ACSM2A: variants seen among roughly 807,000 people sequenced by gnomAD.
The protein encoded by ACSM2A is acyl-CoA synthetase medium chain family member 2A.
ACSM2A carries 72 observed loss-of-function variants against 76.6 expected under a neutral mutation model. That is an observed-to-expected ratio of 0.94 (90% CI 0.78 to 1.14). The LOEUF is 1.14. Among genes scored for constraint, ACSM2A ranks in the 50% most tolerant of loss-of-function variants. ACSM2A has a pLI of 0.00. For synonymous variants in ACSM2A, 249 were observed against 255.9 expected (o/e 0.97, Z 0.26); for missense variants, 684 against 708.5 (o/e 0.97, Z 0.39).
In ACSM2A at chr16:20,480,620, C is replaced by T. The variant is rs1354297614; in HGVS notation, c.1329C>T (p.Leu443=). The T allele has an allele frequency of 1.9e-6, 3 of 1,613,606 alleles. No homozygotes were observed. Among genetic ancestry groups the T allele is most frequent in the Non-Finnish European group, 2.5e-6 (3 of 1,179,776 alleles). ...CCAACATTCGAGGAGACTTTTGGCT[C>T]CTTGGAGACCGGGGAATCAAAGATG... ...TAANIRGDFW[L]LGDRGIKDED... Residue 443 remains leucine (L), a synonymous_variant, in exon 11 of 14, where the codon CTC becomes CTT. Transcript: ENST00000573854.
At chr16:20,462,583 C>T (rs1344771602) in intron 2 of ACSM2A, among the ~76,000 whole-genome samples, 1 of 152,090 alleles carries the variant, frequency 6.6e-6, no homozygotes, top group Non-Finnish European at 1.5e-5. Flanking sequence ...AAATTGCTGA[C>T]ATGTTTTGTT....
At chr16:20,472,465 A>G (rs1048865553) in intron 6 of ACSM2A, among the ~76,000 whole-genome samples, 1 of 152,002 alleles carries the variant, frequency 6.6e-6, no homozygotes, top group African/African-American at 2.4e-5. Context: ...TTGCATAATT[A>G]CCCCTAAAAG....
rs1423064477 is a variant in ACSM2A, at chr16:20,475,722, G to C, written c.1047G>C (p.Trp349Cys). ...ESLLPETLEN[W>C]RAQTGLDIRE... ...TTCTTCCAGAAACTCTGGAGAACTG[G>C]AGGGCCCAGACAGGACTGGACATCC... The change falls in exon 8 of 14, where the codon TGG (tryptophan) becomes TGC (cysteine). Residue 349 changes from tryptophan (W) to cysteine (C), a missense_variant. Trp to Cys is a radical substitution (Grantham distance 215). Transcript: ENST00000573854. 2.5e-6 allele frequency: 4 copies of C among 1,613,912 alleles called. No homozygotes were observed. The highest frequency in any genetic ancestry group is 2.7e-5 in the African/African-American group (2 of 74,904).
intron 13 of ACSM2A, 129 bp downstream of exon 13, chr16:20,483,306 A>T: frequency 7.0e-7 from 1 of 1,420,368 alleles, no homozygotes; most frequent in East Asian, 2.7e-5. Flanking sequence ...GCGGCAGCTC[A>T]CGCCTGTAAT....
chr16:20,464,846 C>T (rs1482808806), intron 2 of ACSM2A, among the ~76,000 whole-genome samples: 3 of 151,884 alleles, frequency 2.0e-5, no homozygotes, highest in South Asian at 2.1e-4. Context: ...ATGAAAAACT[C>T]GGGAGATGGA....
At chr16:20,452,979 G>A (rs1488308922) in intron 1 of ACSM2A, among the ~76,000 whole-genome samples, 1 of 152,130 alleles carries the variant, frequency 6.6e-6, no homozygotes, top group Non-Finnish European at 1.5e-5. Flanking sequence ...CCTAAGTTCA[G>A]TGGATAAAGT....
chr16:20,465,407 T>C, intron 2 of ACSM2A, 110 bp from the exon 3 acceptor site: 1 of 1,404,098 alleles, frequency 7.1e-7, no homozygotes, highest in Non-Finnish European at 9.6e-7. Flanking sequence ...ATGGAGGTGC[T>C]GAGATAAAAA....
At chr16:20,466,610 T>G (rs1505098) in intron 3 of ACSM2A, among the ~76,000 whole-genome samples, 2 of 152,346 alleles carry the variant, frequency 1.3e-5, no homozygotes, top group African/African-American at 4.8e-5. Flanking sequence ...TAAGGAATAG[T>G]AAATGCTGAT....
Position 20,471,824 on chromosome 16 carries a change from G to A in ACSM2A, c.894+135G>A, listed in dbSNP as rs1567367798. 17 of 1,456,272 alleles carry A rather than the reference G, an allele frequency of 1.2e-5. No individual in the cohort carries two copies. The South Asian group carries it at 1.2e-4, about 10-fold the overall frequency. 90.2% of individuals were successfully genotyped at this position (1,456,272 alleles called of 1,614,324 possible). A position where few individuals can be genotyped will look rare whatever the true frequency, so the allele number is the denominator to read the frequency against. ...ATGTGGTGAACAGTGTTCAGTAAAC[G>A]AGATGGAAATGGTCCCTGACCTCAC... is the stretch of plus-strand genomic sequence containing the variant. On this transcript the variant is annotated intron_variant, in intron 6 of 13. Coordinates refer to ENST00000573854, the MANE Select transcript of ACSM2A (RefSeq NM_001308172.2).
rs565682946 is a variant in ACSM2A, at chr16:20,471,951, C to T, written c.894+262C>T. Among the ~76,000 whole-genome samples the T allele has an allele frequency of 1.2e-3, 186 of 152,216 alleles. 1 individual carries two copies. Among genetic ancestry groups the T allele is most frequent in the African/African-American group, 4.0e-3 (167 of 41,524 alleles). The stretch of plus-strand genomic sequence containing the variant: ...TCATTTGTTCACTCAACAAATGTAA[C>T]GGGCTCTTCCGCTGGTGTCACCTAT... On this transcript the variant is annotated intron_variant, in intron 6 of 13. Coordinates refer to ENST00000573854, the MANE Select transcript of ACSM2A (RefSeq NM_001308172.2).
chr16:20,462,635 C>A (rs1948710112), intron 2 of ACSM2A, among the ~76,000 whole-genome samples: 1 of 151,990 alleles, frequency 6.6e-6, no homozygotes, highest in African/African-American at 2.4e-5. Flanking sequence ...ATCTGAGAAC[C>A]CCTGAGGATA....
chr16:20,476,374 A>T, intron 8 of ACSM2A: 2 of 984,904 alleles, frequency 2.0e-6, no homozygotes, highest in Non-Finnish European at 2.4e-6. Flanking sequence ...AGTGCCTCTT[A>T]CTTGTGACTC....
At position 20,475,708 on chromosome 16, in the gene ACSM2A, A is replaced by G. The variant is rs765828342; in HGVS notation, c.1033A>G (p.Thr345Ala). The stretch of plus-strand genomic sequence containing the variant: ...TGTAGGGGAGTCCCTTCTTCCAGAA[A>G]CTCTGGAGAACTGGAGGGCCCAGAC... ...VTVGESLLPE[T>A]LENWRAQTGL... The change falls in exon 8 of 14, where the codon ACT becomes GCT. Residue 345 changes from threonine (T) to alanine (A), a missense_variant. Coordinates refer to ENST00000573854, the MANE Select transcript of ACSM2A (RefSeq NM_001308172.2). 2 of 1,613,982 alleles carry G rather than the reference A, an allele frequency of 1.2e-6. No individual in the cohort carries two copies. Among genetic ancestry groups the G allele is most frequent in the South Asian group, 1.1e-5 (1 of 91,062 alleles).
intron 6 of ACSM2A, among the ~76,000 whole-genome samples, chr16:20,472,104 T>C (rs1336373013): frequency 6.6e-6 from 1 of 152,152 alleles, no homozygotes; most frequent in Non-Finnish European, 1.5e-5. Flanking sequence ...ATTTGCAGCA[T>C]AACACACAAA....
intron 8 of ACSM2A, chr16:20,476,272 G>A (rs2013734993): frequency 1.0e-6 from 1 of 987,782 alleles, no homozygotes; most frequent in African/African-American, 1.8e-5. Flanking sequence ...GAGGTCTCAT[G>A]TGCACAATGT....
chr16:20,486,156 T>A (rs1368865980), intron 13 of ACSM2A, among the ~76,000 whole-genome samples: 1 of 152,232 alleles, frequency 6.6e-6, no homozygotes, highest in Non-Finnish European at 1.5e-5. Context: ...GCCTTCATAA[T>A]CTCCTTTTGT....
chr16:20,458,837 AAAG>A (rs893069621), intron 1 of ACSM2A, among the ~76,000 whole-genome samples: 44 of 140,638 alleles, frequency 3.1e-4, no homozygotes, highest in Non-Finnish European at 5.5e-4. Flanking sequence ...TATATATAAA[AAAG>A]AATTTTTTAT....
intron 12 of ACSM2A, chr16:20,481,810 G>T (rs1439311569): frequency 7.5e-6 from 1 of 133,630 alleles, no homozygotes; most frequent in Non-Finnish European, 1.6e-5. Flanking sequence ...CCATATTTGC[G>T]TGTAACAAAA....
chr16:20,475,344 C>T lies in ACSM2A; in HGVS notation c.895-18C>T. ...TTTGACCTGGTGACCAATGTCTCACCTGGCTCTTGTCTTCCAGACACTCTC... is the reference window on the plus strand; with the variant it reads ...TTTGACCTGGTGACCAATGTCTCACTTGGCTCTTGTCTTCCAGACACTCTC... On this transcript the variant is annotated intron_variant, in intron 6 of 13. Coordinates refer to ENST00000573854, the MANE Select transcript of ACSM2A (RefSeq NM_001308172.2). 6.2e-7 allele frequency: 1 copy of T among 1,613,618 alleles called. No individual in the cohort carries two copies. The highest frequency in any genetic ancestry group is 1.7e-4 in the Middle Eastern group (1 of 6,050).
Sources: allele counts gnomAD v4.1 joint callset (sites outside exome capture counted in the v4.1 genomes callset), GRCh38; gene constraint gnomAD v4.1.1; transcripts MANE v1.5; gene names NCBI Gene and HGNC (gene_info 2026-07-23, HGNC 2026-07-21).